Variants in ASAP2 observed in about 807,000 individuals in gnomAD.
ASAP2 encodes the protein ArfGAP with SH3 domain, ankyrin repeat and PH domain 2, also known as arf-GAP with SH3 domain, ANK repeat and PH domain-containing protein 2.
ASAP2 carries 45 observed loss-of-function variants against 131.4 expected under a neutral mutation model. The observed-to-expected ratio is 0.34, with a 90% CI of 0.27 to 0.44. The LOEUF is 0.44. ASAP2 is among the 20% of genes least tolerant of loss of function. The pLI is 1.00. For synonymous variants in ASAP2, 510 were observed against 503.0 expected (o/e 1.01, Z -0.19); for missense variants, 1,011 against 1,297.0 (o/e 0.78, Z 3.39).
At chr2:9,312,571 G>C (rs1329820063) in intron 3 of ASAP2, among the ~76,000 whole-genome samples, 2 of 152,154 alleles carry the variant, frequency 1.3e-5, no homozygotes, top group Non-Finnish European at 2.9e-5. Context: ...CTTCATGGAA[G>C]TTCCATGATG....
intron 3 of ASAP2, among the ~76,000 whole-genome samples, chr2:9,316,230 G>A (rs141616685): frequency 0.016 from 2,371 of 152,198 alleles, 30 homozygotes; most frequent in Non-Finnish European, 0.024. Flanking sequence ...GCTAAGGTGG[G>A]AGGATCGCCT....
intron 24 of ASAP2, among the ~76,000 whole-genome samples, chr2:9,394,131 C>T (rs972738590): frequency 6.6e-6 from 1 of 151,334 alleles, no homozygotes; most frequent in Non-Finnish European, 1.5e-5. Context: ...AAATAATGCC[C>T]CTTGTTGCAG....
At chr2:9,306,686 C>T (rs766814646) in intron 3 of ASAP2, among the ~76,000 whole-genome samples, 2 of 152,004 alleles carry the variant, frequency 1.3e-5, no homozygotes, top group Non-Finnish European at 2.9e-5. Flanking sequence ...GCTCCTGGCT[C>T]GCTGAGGGAA....
At chr2:9,321,550 G>A (rs1021359184) in intron 5 of ASAP2, among the ~76,000 whole-genome samples, 2 of 152,142 alleles carry the variant, frequency 1.3e-5, no homozygotes, top group African/African-American at 4.8e-5. Context: ...AAAACCAAGA[G>A]TCAGTGGTTT....
intron 1 of ASAP2, among the ~76,000 whole-genome samples, chr2:9,230,573 G>T (rs1663087509): frequency 6.6e-6 from 1 of 152,160 alleles, no homozygotes; most frequent in Non-Finnish European, 1.5e-5. Context: ...GGGAGGGAAG[G>T]AGCAGTATCT....
At chr2:9,208,271 G>A (rs1009043648) in intron 1 of ASAP2, among the ~76,000 whole-genome samples, 1 of 138,748 alleles carries the variant, frequency 7.2e-6, no homozygotes, top group Non-Finnish European at 1.5e-5. Context: ...GGGCCAGGAT[G>A]TCAGGTTACA....
At chr2:9,376,816 T>A (rs1418913342) in intron 17 of ASAP2, 92 bp from the exon 18 acceptor site, 2 of 1,163,538 alleles carry the variant, frequency 1.7e-6, no homozygotes, top group Non-Finnish European at 2.5e-6. Context: ...GATAAAAGAC[T>A]TTTGGAAGAG....
At chr2:9,349,709 A>G (rs1206456446) in intron 11 of ASAP2, among the ~76,000 whole-genome samples, 1 of 152,232 alleles carries the variant, frequency 6.6e-6, no homozygotes, top group Non-Finnish European at 1.5e-5. Flanking sequence ...TCACTAGTCC[A>G]AACTTACATT....
chr2:9,250,022 T>A (rs1664600426), intron 1 of ASAP2, among the ~76,000 whole-genome samples: 1 of 152,236 alleles, frequency 6.6e-6, no homozygotes, highest in Admixed American at 6.5e-5. Context: ...TTCTTTCCAT[T>A]TTCTTACTTG....
chr2:9,270,785 A>ATTTTTCTTTTTTTTTTTTTTT (rs1666299772), intron 1 of ASAP2, among the ~76,000 whole-genome samples: 1 of 52,924 alleles, frequency 1.9e-5, no homozygotes, highest in Non-Finnish European at 3.5e-5. Flanking sequence ...AATTGTTTTC[A>ATTTTTCTTTTTTTTTTTTTTT]TTTTTTTTTT....
chr2:9,327,707 C>A, intron 6 of ASAP2, 119 bp from the exon 7 acceptor site: 1 of 660,704 alleles, frequency 1.5e-6, no homozygotes, highest in Non-Finnish European at 2.5e-6. Context: ...GTCGATCATG[C>A]ACTCTACGCA....
At chr2:9,299,956 C>T (rs1214937837) in intron 3 of ASAP2, among the ~76,000 whole-genome samples, 2 of 152,226 alleles carry the variant, frequency 1.3e-5, no homozygotes, top group Non-Finnish European at 2.9e-5. Context: ...TCTGGCCCGG[C>T]ACAGTGGCTC....
chr2:9,351,833 C>A (rs574472963), intron 12 of ASAP2, among the ~76,000 whole-genome samples: 1 of 152,220 alleles, frequency 6.6e-6, no homozygotes, highest in African/African-American at 2.4e-5. Flanking sequence ...TGTTCCCCTT[C>A]TCATACCCTC....
chr2:9,207,035 C>T lies in ASAP2; in HGVS notation c.-70C>T, dbSNP rs996984781. 305 of 1,227,600 alleles carry T rather than the reference C, an allele frequency of 2.5e-4. No homozygotes were observed. The highest frequency in any genetic ancestry group is 3.0e-4 in the Non-Finnish European group (297 of 975,030). 76.0% of individuals were successfully genotyped at this position (1,227,600 alleles called of 1,614,324 possible). A position where few individuals can be genotyped will look rare whatever the true frequency, so the allele number is the denominator to read the frequency against. On this transcript the variant is annotated 5_prime_UTR_variant, in exon 1 of 28. Coordinates refer to ENST00000281419, the MANE Select transcript of ASAP2 (RefSeq NM_003887.3). This position sits in a 1 kb window ranked among gnomAD's most constrained non-coding sequence, Gnocchi z 4.1. ...GCAGCGGCGGTGTCCGAGCGGCGGT[C>T]GGAGCCTGCTGCGGCAGTTGAGGCG...
intron 12 of ASAP2, among the ~76,000 whole-genome samples, chr2:9,353,397 A>C (rs1483443814): frequency 6.6e-6 from 1 of 152,092 alleles, no homozygotes; most frequent in Non-Finnish European, 1.5e-5. Flanking sequence ...AGACCTACAA[A>C]AAATTTAAAA....
chr2:9,267,985 G>A (rs941957206), intron 1 of ASAP2, among the ~76,000 whole-genome samples: 15 of 150,360 alleles, frequency 1.0e-4, no homozygotes, highest in African/African-American at 3.0e-4. Flanking sequence ...CTGTCCCATC[G>A]TAACGCCCTC....
At chr2:9,279,216 G>A in intron 1 of ASAP2, 101 bp from the exon 2 acceptor site, 1 of 1,109,708 alleles carries the variant, frequency 9.0e-7, no homozygotes, top group Non-Finnish European at 1.4e-6. Context: ...AGGTGCCTAG[G>A]GACCTGGCAG....
intron 3 of ASAP2, among the ~76,000 whole-genome samples, chr2:9,299,001 G>C (rs1253906479): frequency 6.6e-6 from 1 of 152,184 alleles, no homozygotes; most frequent in Non-Finnish European, 1.5e-5. Context: ...GGCTGGAGTA[G>C]AGGAAATCTC....
intron 11 of ASAP2, 25 bp downstream of exon 11, chr2:9,344,825 G>T: frequency 6.3e-7 from 1 of 1,598,306 alleles, no homozygotes; most frequent in Non-Finnish European, 8.6e-7. Context: ...TTAATCCATG[G>T]TGTCTGCTGT....
Sources: allele counts gnomAD v4.1 joint callset (sites outside exome capture counted in the v4.1 genomes callset), GRCh38; gene constraint gnomAD v4.1.1; non-coding constraint Gnocchi (gnomAD v3.1); transcripts MANE v1.5; gene names NCBI Gene and HGNC (gene_info 2026-07-23, HGNC 2026-07-21).